Variants in FAM227B observed in about 807,000 individuals in gnomAD.
The protein encoded by FAM227B is protein FAM227B.
A neutral mutation model predicts 73.8 loss-of-function variants in FAM227B; 88 were observed. That is an observed-to-expected ratio of 1.19 (90% CI 1.00 to 1.42). The LOEUF (loss-of-function observed/expected upper bound fraction) is 1.42, where lower values mean the gene tolerates loss of function less well. Among genes scored for constraint, FAM227B ranks in the 40% most tolerant of loss-of-function variants. The pLI, the probability that FAM227B is intolerant of heterozygous loss-of-function variation, is 0.00. For synonymous variants in FAM227B, 210 were observed against 190.5 expected, an observed-to-expected ratio of 1.10 and a Z score of -0.84; for missense variants, 632 against 590.9, an observed-to-expected ratio of 1.07 and a Z score of -0.72.
intron 11 of FAM227B, among the ~76,000 whole-genome samples, chr15:49,503,084 T>C (rs952724269): frequency 6.6e-6 from 1 of 151,978 alleles, no homozygotes; most frequent in Admixed American, 6.6e-5. Flanking sequence ...GAGATATAGA[T>C]CAATGGAACA....
intron 11 of FAM227B, among the ~76,000 whole-genome samples, chr15:49,428,807 G>T (rs958321044): frequency 1.3e-5 from 2 of 151,952 alleles, no homozygotes; most frequent in African/African-American, 4.8e-5. Flanking sequence ...AGCACTGTTA[G>T]TTCCATAGCA....
chr15:49,467,171 G>A (rs1193884755), intron 11 of FAM227B, among the ~76,000 whole-genome samples: 1 of 152,152 alleles, frequency 6.6e-6, no homozygotes, highest in Admixed American at 6.5e-5. Context: ...AAGTGGATGT[G>A]TAGTTTATCA....
intron 11 of FAM227B, among the ~76,000 whole-genome samples, chr15:49,416,884 C>T (rs1297373314): frequency 6.6e-6 from 1 of 151,844 alleles, no homozygotes; most frequent in East Asian, 1.9e-4. Flanking sequence ...TCAAAGAAAT[C>T]AGAGATGACA....
At chr15:49,415,357 T>C (rs1237014579) in intron 11 of FAM227B, among the ~76,000 whole-genome samples, 1 of 152,174 alleles carries the variant, frequency 6.6e-6, no homozygotes, top group African/African-American at 2.4e-5. Context: ...AGAACATTTT[T>C]CAACATTTAG....
At chr15:49,472,891 G>A (rs892100458) in intron 11 of FAM227B, among the ~76,000 whole-genome samples, 12 of 148,014 alleles carry the variant, frequency 8.1e-5, no homozygotes, top group African/African-American at 2.9e-4. Context: ...TAAGAGAAAG[G>A]AGTATCTAAT....
intron 11 of FAM227B, among the ~76,000 whole-genome samples, chr15:49,450,758 G>A (rs113047963): frequency 0.023 from 3,532 of 152,102 alleles, 89 homozygotes; most frequent in South Asian, 0.13. Context: ...ATAACACTGC[G>A]TTTGTTATGA....
intron 11 of FAM227B, among the ~76,000 whole-genome samples, chr15:49,373,348 T>A (rs569698421): frequency 6.6e-6 from 1 of 152,164 alleles, no homozygotes; most frequent in South Asian, 2.1e-4. Flanking sequence ...GCAAAGAAAC[T>A]CATCTACATA....
At chr15:49,518,590 A>T (rs2059551509) in intron 10 of FAM227B, among the ~76,000 whole-genome samples, 1 of 152,216 alleles carries the variant, frequency 6.6e-6, no homozygotes, top group Admixed American at 6.5e-5. Flanking sequence ...GCAGCAGGCA[A>T]GAATGATCAC....
intron 11 of FAM227B, among the ~76,000 whole-genome samples, chr15:49,388,719 T>A (rs2047029691): frequency 6.6e-6 from 1 of 151,570 alleles, no homozygotes; most frequent in African/African-American, 2.4e-5. Context: ...TGGGAGAAAA[T>A]ATTTGCAAAC....
chr15:49,395,907 T>C, intron 11 of FAM227B: 1 of 455,708 alleles, frequency 2.2e-6, no homozygotes, highest in Non-Finnish European at 4.4e-6. Flanking sequence ...ACTTCCAGGT[T>C]CTTAATTTAA....
intron 9 of FAM227B, among the ~76,000 whole-genome samples, chr15:49,543,485 T>C (rs1430538704): frequency 3.9e-5 from 6 of 152,172 alleles, no homozygotes; most frequent in African/African-American, 2.4e-5. Flanking sequence ...ATTTCTTTTG[T>C]TGTGCAGAAG....
intron 10 of FAM227B, among the ~76,000 whole-genome samples, chr15:49,512,434 G>T (rs1268836953): frequency 6.6e-6 from 1 of 151,828 alleles, no homozygotes; most frequent in Non-Finnish European, 1.5e-5. Context: ...ACTAAGAGTT[G>T]TACATTTCTT....
chr15:49,370,463 T>C (rs1426480322), intron 12 of FAM227B, among the ~76,000 whole-genome samples: 1 of 152,222 alleles, frequency 6.6e-6, no homozygotes, highest in African/African-American at 2.4e-5. Flanking sequence ...CAAAATTGAC[T>C]TCTATACATC....
At chr15:49,482,111 A>G (rs1345121968) in intron 11 of FAM227B, among the ~76,000 whole-genome samples, 2 of 152,148 alleles carry the variant, frequency 1.3e-5, no homozygotes, top group Non-Finnish European at 2.9e-5. Context: ...TTTTCTTTGC[A>G]CTGTGTTAGA....
rs185032792 is a variant in FAM227B at position 49,491,359 on chromosome 15, G to A, written c.1012+16852C>T. ...ATATTGGCTCTTTTTTGCCTGTTGGGTTTAGTTTAAATCTCTTAAACTAGC... is the reference window on the plus strand; with the variant it reads ...ATATTGGCTCTTTTTTGCCTGTTGGATTTAGTTTAAATCTCTTAAACTAGC... On this transcript the variant is annotated intron_variant, in intron 11 of 15. Coordinates refer to ENST00000299338, the MANE Select transcript of FAM227B (RefSeq NM_152647.3). Among the ~76,000 whole-genome samples, 15 of 151,740 alleles carry A rather than the reference G, an allele frequency of 9.9e-5. No homozygotes were observed. In the East Asian group the frequency reaches 2.9e-3, roughly 29 times the overall value.
Position 49,452,732 on chromosome 15 carries a change from C to A in FAM227B, c.1012+55479G>T, listed in dbSNP as rs560415011. ...GAATCTTGGTTTCTTTATTGGGTGA[C>A]TGAGATAGTATCTAATCTATGTGCT... On this transcript the variant is annotated intron_variant, in intron 11 of 15. Coordinates refer to ENST00000299338, the MANE Select transcript of FAM227B (RefSeq NM_152647.3). Among the ~76,000 whole-genome samples, 11 of 152,110 alleles carry A rather than the reference C, an allele frequency of 7.2e-5. No individual in the cohort carries two copies. In the South Asian group the frequency reaches 2.3e-3, roughly 32 times the overall value.
intron 11 of FAM227B, chr15:49,489,304 T>C (rs2056675294): frequency 1.0e-6 from 1 of 983,486 alleles, no homozygotes; most frequent in Non-Finnish European, 1.2e-6. Flanking sequence ...TCAGTGGGCA[T>C]CCATTCATCA....
chr15:49,418,212 A>G (rs1567238474), intron 11 of FAM227B, among the ~76,000 whole-genome samples: 1 of 152,180 alleles, frequency 6.6e-6, no homozygotes, highest in East Asian at 1.9e-4. Flanking sequence ...CACTGCTGAT[A>G]GGAGTGTAAA....
Position 49,588,060 on chromosome 15 carries a change from A to G in FAM227B, c.361T>C (p.Tyr121His). 7.0e-7 allele frequency: 1 copy of G among 1,425,036 alleles called. No individual in the cohort carries two copies. Among genetic ancestry groups the G allele is most frequent in the Non-Finnish European group, 9.4e-7 (1 of 1,062,650 alleles). 88.3% of individuals were successfully genotyped at this position (1,425,036 alleles called of 1,614,324 possible). ...ETSSYRKLER[Y>H]GEFLKKYHKK... ...TGGTACTTCTTTAGAAATTCCCCAT[A>G]TCGTTCCAATTTTCTATAAGAACCT... Residue 121 changes from tyrosine to histidine, a missense_variant, in exon 5 of 16, where the codon TAT becomes CAT. Coordinates refer to ENST00000299338, the MANE Select transcript of FAM227B (RefSeq NM_152647.3).
Sources: gnomAD v4.1 joint callset for allele counts (sites outside exome capture counted in the v4.1 genomes callset) on GRCh38, gnomAD v4.1.1 for gene constraint, MANE v1.5 for transcripts, NCBI Gene and HGNC (gene_info 2026-07-23, HGNC 2026-07-21) for gene names.